Variants in ANKRD30BL observed in about 807,000 individuals in gnomAD.
The protein encoded by ANKRD30BL is ankyrin repeat domain 30B like.
In ANKRD30BL, 20 loss-of-function variants were observed where a neutral mutation model predicts 18.4. The observed-to-expected ratio is 1.09, with a 90% CI of 0.77 to 1.58. The LOEUF (loss-of-function observed/expected upper bound fraction) is 1.58, where lower values mean the gene tolerates loss of function less well. Ranked by LOEUF, ANKRD30BL falls within the 40% of genes most tolerant of loss-of-function variation. ANKRD30BL has a pLI of 0.00. For synonymous variants in ANKRD30BL, 72 were observed against 100.9 expected, an observed-to-expected ratio of 0.71 and a Z score of 1.72; for missense variants, 224 against 268.6, an observed-to-expected ratio of 0.83 and a Z score of 1.16.
chr2:132,214,508 A>C (rs1387201758), intron 1 of ANKRD30BL, among the ~76,000 whole-genome samples: 10 of 149,852 alleles, frequency 6.7e-5, no homozygotes, highest in Admixed American at 2.0e-4. Flanking sequence ...TCTTCACACA[A>C]AAAAAAGACA....
intron 1 of ANKRD30BL, among the ~76,000 whole-genome samples, chr2:132,222,529 A>G (rs889501254): frequency 6.6e-6 from 1 of 152,056 alleles, no homozygotes; most frequent in Non-Finnish European, 1.5e-5. Context: ...TTGATCTGTG[A>G]CCTTACCCCC....
chr2:132,229,039 AG>A lies in ANKRD30BL; in HGVS notation n.441+28489del, dbSNP rs575351976. ...CTTTCTTTTGATAGAGCAGTTTTAA[AG>A]CTCCCTTTTTGTATAATCTCTAAGT... On this transcript the variant is annotated intron_variant and non_coding_transcript_variant, in intron 1 of 4. Transcript: ENST00000470729. Among the ~76,000 whole-genome samples the A allele has an allele frequency of 1.4e-4, 21 of 152,200 alleles. No individual in the cohort carries two copies. In the South Asian group the frequency reaches 3.7e-3, roughly 27 times the overall value.
chr2:132,175,638 A>T (rs1448051246), intron 1 of ANKRD30BL, among the ~76,000 whole-genome samples: 10 of 152,336 alleles, frequency 6.6e-5, no homozygotes, highest in Admixed American at 2.0e-4. Context: ...TTCTCATCCC[A>T]TGAGGCCATA....
chr2:132,195,883 T>G (rs888633978), intron 1 of ANKRD30BL, among the ~76,000 whole-genome samples: 92 of 151,484 alleles, frequency 6.1e-4, no homozygotes, highest in African/African-American at 2.1e-3. Context: ...GGCTCACTCC[T>G]GTAATTCCAG....
chr2:132,230,134 T>A (rs965317351), intron 1 of ANKRD30BL, among the ~76,000 whole-genome samples: 2 of 152,078 alleles, frequency 1.3e-5, no homozygotes, highest in African/African-American at 4.8e-5. Context: ...GGAAATATCT[T>A]CCCATAAAAA....
intron 1 of ANKRD30BL, among the ~76,000 whole-genome samples, chr2:132,205,532 C>A (rs1348867682): frequency 2.1e-5 from 3 of 143,572 alleles, no homozygotes; most frequent in Non-Finnish European, 3.1e-5. Flanking sequence ...ACCTGGGAGG[C>A]GGAGGTTGCA....
chr2:132,253,189 G>T (rs76728954), intron 1 of ANKRD30BL: 2 of 215,578 alleles, frequency 9.3e-6, no homozygotes, highest in Non-Finnish European at 2.0e-5. Context: ...GGAGGAACCC[G>T]GGCCGCAAGT....
At chr2:132,213,026 G>A (rs551666729) in intron 1 of ANKRD30BL, among the ~76,000 whole-genome samples, 22 of 151,982 alleles carry the variant, frequency 1.4e-4, no homozygotes, top group African/African-American at 4.8e-4. Flanking sequence ...TCTTCATGAT[G>A]TATGCATTCA....
rs566315216 is a variant in ANKRD30BL, at chr2:132,243,709, C to T, written n.441+13820G>A. On this transcript the variant is annotated intron_variant and non_coding_transcript_variant, in intron 1 of 4. Coordinates refer to the ANKRD30BL transcript ENST00000470729. ...CAAGTGGATATTTTGACTGCTTTGA[C>T]GTTTTTACTGGAAACGGGTTGATCT... 9.3e-5 allele frequency among the ~76,000 whole-genome samples: 14 copies of T among 150,718 alleles called. No individual in the cohort carries two copies. The East Asian group carries it at 1.4e-3, about 15-fold the overall frequency.
rs373812550 is a variant in ANKRD30BL at position 132,192,327 on chromosome 2, G to A, written n.442-35181C>T. Among the ~76,000 whole-genome samples, 9 of 152,148 alleles carry A rather than the reference G, an allele frequency of 5.9e-5. No individual in the cohort carries two copies. The East Asian group carries it at 1.3e-3, about 23-fold the overall frequency. ...TGGGTCATATGATCTTGCAGGACCT[G>A]TATTCTTGCAGGTGTCAATGGTGGT... On this transcript the variant is annotated intron_variant and non_coding_transcript_variant, in intron 1 of 4. Coordinates refer to the ANKRD30BL transcript ENST00000470729.
chr2:132,217,706 C>A (rs76589591), intron 1 of ANKRD30BL, among the ~76,000 whole-genome samples: 1 of 152,288 alleles, frequency 6.6e-6, no homozygotes, highest in African/African-American at 2.4e-5. Flanking sequence ...AGTTTAAGAA[C>A]CCCCTTTTTG....
At chr2:132,148,483 C>A (rs1211830025) in intron 5 of ANKRD30BL, among the ~76,000 whole-genome samples, 2 of 148,812 alleles carry the variant, frequency 1.3e-5, no homozygotes, top group Non-Finnish European at 3.0e-5. Flanking sequence ...AATTCTCCTA[C>A]CTCAGCCTCC....
chr2:132,177,158 T>G (rs1310246293), intron 1 of ANKRD30BL, among the ~76,000 whole-genome samples: 2 of 152,100 alleles, frequency 1.3e-5, no homozygotes, highest in Non-Finnish European at 2.9e-5. Context: ...TGCCTATTTT[T>G]TTTTTTTTAT....
intron 1 of ANKRD30BL, among the ~76,000 whole-genome samples, chr2:132,191,290 A>G (rs552054339): frequency 1.3e-5 from 2 of 152,314 alleles, no homozygotes; most frequent in East Asian, 3.9e-4. Flanking sequence ...AAATACTACA[A>G]TATGTTTATC....
intron 1 of ANKRD30BL, among the ~76,000 whole-genome samples, chr2:132,159,436 C>T (rs1398958103): frequency 6.6e-6 from 1 of 152,072 alleles, no homozygotes; most frequent in Admixed American, 6.5e-5. Context: ...GTATTTGATT[C>T]CTTTTTTAAC....
At chr2:132,257,761 G>A (rs879080052) in exon 1 of ANKRD30BL, 1 of 153,276 alleles carries the variant, frequency 6.5e-6, no homozygotes, top group African/African-American at 2.4e-5. Flanking sequence ...GGGGGCCTGC[G>A]GTACCAGGAA....
chr2:132,226,244 C>G (rs1490819214), intron 1 of ANKRD30BL, among the ~76,000 whole-genome samples: 1 of 151,766 alleles, frequency 6.6e-6, no homozygotes, highest in Non-Finnish European at 1.5e-5. Flanking sequence ...ATTCAATTCA[C>G]AGAGTTGAAC....
chr2:132,220,299 C>T (rs1436498782), intron 1 of ANKRD30BL, among the ~76,000 whole-genome samples: 1 of 143,122 alleles, frequency 7.0e-6, no homozygotes, highest in South Asian at 2.3e-4. Flanking sequence ...TCTCCCTCTC[C>T]CTGTCCCTCT....
intron 1 of ANKRD30BL, among the ~76,000 whole-genome samples, chr2:132,176,609 T>C (rs1240906816): frequency 6.6e-6 from 1 of 151,458 alleles, no homozygotes; most frequent in Non-Finnish European, 1.5e-5. Flanking sequence ...AGACTCTGTA[T>C]TCAAAAAAAG....
Sources: allele counts gnomAD v4.1 joint callset (sites outside exome capture counted in the v4.1 genomes callset), GRCh38; gene constraint gnomAD v4.1.1; transcripts MANE v1.5; gene names NCBI Gene and HGNC (gene_info 2026-07-23, HGNC 2026-07-21).